MKX: variants seen among roughly 807,000 people sequenced by gnomAD.
MKX encodes the protein homeobox protein Mohawk.
In MKX, 13 loss-of-function variants were observed where a neutral mutation model predicts 36.0. That is an observed-to-expected ratio of 0.36 (90% CI 0.24 to 0.57). The LOEUF (loss-of-function observed/expected upper bound fraction) is 0.57. MKX is among the 20% of genes least tolerant of loss of function. The probability of loss-of-function intolerance (pLI) is 0.79; values close to 1 mark genes in which losing one functional copy is unlikely to be tolerated. For missense variants in MKX, 458 were observed against 456.4 expected (o/e 1.00, Z -0.03); for synonymous variants, 176 against 178.3 (o/e 0.99, Z 0.10).
chr10:27,741,323 G>A lies in MKX; in HGVS notation c.348+22C>T. 8.7e-6 allele frequency: 14 copies of A among 1,609,320 alleles called. No individual in the cohort carries two copies. The highest frequency in any genetic ancestry group is 1.2e-5 in the Non-Finnish European group (14 of 1,178,316). On this transcript the variant is annotated intron_variant, in intron 3 of 6. Coordinates refer to ENST00000419761, the MANE Select transcript of MKX (RefSeq NM_173576.3). This position sits in a 1 kb window ranked among gnomAD's most constrained non-coding sequence, Gnocchi z 5.1. ...AGCCCCTCGCGGGAAAACGGATCAG[G>A]GTGTTAATGGGTCCTGATTACCTGC...
At chr10:27,707,702 G>A (rs1417342966) in intron 5 of MKX, among the ~76,000 whole-genome samples, 1 of 152,196 alleles carries the variant, frequency 6.6e-6, no homozygotes. Context: ...CTAAGTATGG[G>A]TTAATTCTGC....
At chr10:27,690,371 A>AAAAAAC (rs143410206) in intron 5 of MKX, among the ~76,000 whole-genome samples, 15 of 150,016 alleles carry the variant, frequency 1.0e-4, no homozygotes, top group African/African-American at 3.5e-4. Flanking sequence ...CTCCATCTCA[A>AAAAAAC]AAAACAAAAC....
chr10:27,703,236 C>A (rs1204223041), intron 5 of MKX, among the ~76,000 whole-genome samples: 1 of 152,180 alleles, frequency 6.6e-6, no homozygotes, highest in Non-Finnish European at 1.5e-5. Context: ...TTACCAAGTG[C>A]TTTCTCCATC....
At chr10:27,713,639 T>C (rs1836911552) in intron 5 of MKX, among the ~76,000 whole-genome samples, 1 of 152,126 alleles carries the variant, frequency 6.6e-6, no homozygotes, top group Non-Finnish European at 1.5e-5. Flanking sequence ...TTTTACCTCA[T>C]AGAGTTATAA....
chr10:27,730,489 A>G (rs1278348112), intron 5 of MKX, among the ~76,000 whole-genome samples: 2 of 144,104 alleles, frequency 1.4e-5, no homozygotes, highest in East Asian at 2.0e-4. Context: ...ACACAATTTC[A>G]CTCTGTCACC....
intron 5 of MKX, among the ~76,000 whole-genome samples, chr10:27,698,408 C>T (rs1042614857): frequency 6.6e-5 from 10 of 151,948 alleles, no homozygotes; most frequent in Non-Finnish European, 1.3e-4. Context: ...AGGGGAGATG[C>T]GAGGAGTCCT....
intron 5 of MKX, among the ~76,000 whole-genome samples, chr10:27,697,941 C>G (rs917793437): frequency 1.1e-4 from 17 of 152,142 alleles, no homozygotes; most frequent in Admixed American, 8.5e-4. Context: ...CAGCAGGCAG[C>G]CTGTCCTGGT....
intron 5 of MKX, among the ~76,000 whole-genome samples, chr10:27,690,368 T>C (rs1836431991): frequency 1.5e-5 from 1 of 66,248 alleles, no homozygotes; most frequent in Non-Finnish European, 3.1e-5. Context: ...AGACTCCATC[T>C]CAAAAAACAA....
In MKX at chr10:27,735,448, A is replaced by T. The variant is rs546140690; in HGVS notation, c.349-74T>A. The T allele has an allele frequency of 6.2e-6, 8 of 1,285,620 alleles. No individual in the cohort carries two copies. In the South Asian group the frequency reaches 9.7e-5, roughly 16 times the overall value. The allele number at this position is 1,285,620 out of a possible 1,614,324, so 79.6% of individuals were successfully genotyped here. ...TGGTGCGATTATTTTCTCATAAAGG[A>T]GCTAAGCCTCTCTCAGCACCTCTGA... On this transcript the variant is annotated intron_variant, in intron 3 of 6. Transcript: ENST00000419761.
chr10:27,724,279 G>A (rs141935017), intron 5 of MKX, among the ~76,000 whole-genome samples: 1 of 152,286 alleles, frequency 6.6e-6, no homozygotes, highest in African/African-American at 2.4e-5. Context: ...ACTGAAGTCA[G>A]TGGGCAAGTG....
At chr10:27,675,489 G>C in intron 6 of MKX, 32 bp downstream of exon 6, 1 of 1,614,128 alleles carries the variant, frequency 6.2e-7, no homozygotes, top group South Asian at 1.1e-5. Flanking sequence ...TCGCTGAAAA[G>C]CAGGAACGGC....
Position 27,675,139 on chromosome 10 carries a change from A to G in MKX, c.*90T>C. 2 of 1,217,616 alleles carry G rather than the reference A, an allele frequency of 1.6e-6. No individual in the cohort carries two copies. Among genetic ancestry groups the G allele is most frequent in the Non-Finnish European group, 2.3e-6 (2 of 864,014 alleles). 75.4% of individuals were successfully genotyped at this position (1,217,616 alleles called of 1,614,324 possible). ...AAAAATAAGAAGAGGTTTGGGAGAG[A>G]GTCATTTTCATCCCTGCTTCGGCTC... On this transcript the variant is annotated 3_prime_UTR_variant, in exon 7 of 7. Coordinates refer to ENST00000419761, the MANE Select transcript of MKX (RefSeq NM_173576.3).
At chr10:27,735,494 A>C in intron 3 of MKX, 120 bp from the exon 4 acceptor site, 2 of 708,486 alleles carry the variant, frequency 2.8e-6, no homozygotes, top group African/African-American at 1.8e-5. Flanking sequence ...TTCTCAGGAC[A>C]TAAGAATACC....
At chr10:27,713,781 G>A (rs1289468310) in intron 5 of MKX, among the ~76,000 whole-genome samples, 1 of 151,984 alleles carries the variant, frequency 6.6e-6, no homozygotes, top group Non-Finnish European at 1.5e-5. Flanking sequence ...GTACAAAAAT[G>A]ACCTTAGTAA....
At chr10:27,691,318 A>C (rs1836449828) in intron 5 of MKX, among the ~76,000 whole-genome samples, 1 of 152,100 alleles carries the variant, frequency 6.6e-6, no homozygotes, top group African/African-American at 2.4e-5. Context: ...AGGTGTTCCG[A>C]TGTTGAGGGT....
intron 3 of MKX, 80 bp from the exon 4 acceptor site, chr10:27,735,454 G>GAGAGGCTTAGCT: frequency 9.0e-7 from 1 of 1,106,596 alleles, no homozygotes; most frequent in Non-Finnish European, 1.3e-6. Flanking sequence ...AAGGAGCTAA[G>GAGAGGCTTAGCT]CCTCTCTCAG....
intron 5 of MKX, among the ~76,000 whole-genome samples, chr10:27,685,561 G>T (rs569592538): frequency 6.6e-6 from 1 of 150,952 alleles, no homozygotes; most frequent in South Asian, 2.1e-4. Flanking sequence ...CCATTCTCCT[G>T]CCTCAGCCTC....
chr10:27,728,651 C>T (rs543765386), intron 5 of MKX, among the ~76,000 whole-genome samples: 31 of 152,198 alleles, frequency 2.0e-4, no homozygotes, highest in Non-Finnish European at 3.1e-4. Context: ...GAATACCTTT[C>T]TCCAAAGAAA....
chr10:27,701,646 A>G (rs895782815), intron 5 of MKX, among the ~76,000 whole-genome samples: 2 of 144,928 alleles, frequency 1.4e-5, no homozygotes, highest in Non-Finnish European at 3.0e-5. Context: ...TTTATATATT[A>G]TATACTAATA....
Sources: gnomAD v4.1 joint callset for allele counts (sites outside exome capture counted in the v4.1 genomes callset) on GRCh38, gnomAD v4.1.1 for gene constraint, Gnocchi (gnomAD v3.1) non-coding constraint, MANE v1.5 for transcripts, NCBI Gene and HGNC (gene_info 2026-07-23, HGNC 2026-07-21) for gene names.